The following NEDD4L variants were observed in gnomAD, a reference collection of about 807,000 sequenced individuals.
NEDD4L encodes NEDD4 like E3 ubiquitin protein ligase.
In NEDD4L, 54 loss-of-function variants were observed where a neutral mutation model predicts 148.9. That is an observed-to-expected ratio of 0.36 (90% CI 0.29 to 0.45). The LOEUF (loss-of-function observed/expected upper bound fraction) is 0.45, where lower values mean the gene tolerates loss of function less well. Among genes scored for constraint, NEDD4L ranks in the 20% least tolerant of loss-of-function variants. The pLI, the probability that NEDD4L is intolerant of heterozygous loss-of-function variation, is 1.00. For synonymous variants in NEDD4L, 433 were observed against 440.7 expected (o/e 0.98, Z 0.22); for missense variants, 856 against 1,233.8 (o/e 0.69, Z 4.59).
At chr18:58,137,694 G>C (rs1169762462) in intron 1 of NEDD4L, among the ~76,000 whole-genome samples, 2 of 152,190 alleles carry the variant, frequency 1.3e-5, no homozygotes, top group East Asian at 3.9e-4. Context: ...CATTTTAGAA[G>C]TTAAGGATTT....
At chr18:58,084,208 T>TCCACAGAGACGGAAAGTA in intron 1 of NEDD4L, among the ~76,000 whole-genome samples, 1 of 152,140 alleles carries the variant, frequency 6.6e-6, no homozygotes, top group East Asian at 1.9e-4. Flanking sequence ...AACAGGCAAA[T>TCCACAGAGACGGAAAGTA]CCACAGAGAC....
chr18:58,169,994 A>T (rs1042977935), intron 2 of NEDD4L, among the ~76,000 whole-genome samples: 18 of 152,208 alleles, frequency 1.2e-4, no homozygotes, highest in Non-Finnish European at 2.6e-4. Flanking sequence ...ATTCTATTTT[A>T]TTTATTTATT....
chr18:58,364,163 A>T, intron 19 of NEDD4L, 105 bp from the exon 20 acceptor site: 2 of 717,354 alleles, frequency 2.8e-6, no homozygotes, highest in South Asian at 3.4e-5. Flanking sequence ...AGAAGTGAGA[A>T]TTTACGGTTT....
chr18:58,079,962 C>G (rs554223169), intron 1 of NEDD4L, among the ~76,000 whole-genome samples: 1 of 152,286 alleles, frequency 6.6e-6, no homozygotes, highest in South Asian at 2.1e-4. Context: ...GAGCCTCACT[C>G]TGTTGCCCAG....
intron 2 of NEDD4L, among the ~76,000 whole-genome samples, chr18:58,231,237 CAAAAAAAA>C (rs67220469): frequency 3.3e-5 from 3 of 90,178 alleles, no homozygotes; most frequent in African/African-American, 4.0e-5. Flanking sequence ...GACCCTATCT[CAAAAAAAA>C]AAAAAAAAAA....
chr18:58,075,539 T>G (rs765732378), intron 1 of NEDD4L, among the ~76,000 whole-genome samples: 1 of 152,086 alleles, frequency 6.6e-6, no homozygotes, highest in Non-Finnish European at 1.5e-5. Context: ...ATCCTCAAAC[T>G]TGTGGGGTCA....
intron 2 of NEDD4L, among the ~76,000 whole-genome samples, chr18:58,236,367 G>A (rs28721559): frequency 2.0e-4 from 31 of 151,816 alleles, no homozygotes; most frequent in African/African-American, 6.8e-4. Context: ...AAAAAAAAAA[G>A]AAAAAAAAAT....
intron 1 of NEDD4L, among the ~76,000 whole-genome samples, chr18:58,159,719 C>T (rs1048948043): frequency 2.0e-5 from 3 of 152,122 alleles, no homozygotes; most frequent in Admixed American, 6.5e-5. Flanking sequence ...GTAATGTATA[C>T]GTAACTTACA....
At chr18:58,380,408 C>CAGG (rs2048192191) in intron 24 of NEDD4L, among the ~76,000 whole-genome samples, 2 of 151,388 alleles carry the variant, frequency 1.3e-5, no homozygotes, top group African/African-American at 4.9e-5. Flanking sequence ...AACCTCAGCC[C>CAGG]CCTGGGTTCA....
At chr18:58,116,708 A>G (rs758909631) in intron 1 of NEDD4L, among the ~76,000 whole-genome samples, 12 of 152,354 alleles carry the variant, frequency 7.9e-5, no homozygotes, top group Admixed American at 1.3e-4. Context: ...TGTGGCTTCT[A>G]TGTCCAGGCC....
chr18:58,286,197 C>T (rs547479977), intron 5 of NEDD4L, among the ~76,000 whole-genome samples: 13 of 152,242 alleles, frequency 8.5e-5, no homozygotes, highest in South Asian at 4.1e-4. Context: ...TTAATGTAAA[C>T]GTCGAATGAG....
intron 1 of NEDD4L, among the ~76,000 whole-genome samples, chr18:58,113,566 A>T (rs1185345105): frequency 1.3e-5 from 2 of 152,188 alleles, no homozygotes; most frequent in Non-Finnish European, 2.9e-5. Context: ...GGGGTTTCCC[A>T]GGCAGGGACA....
chr18:58,244,202 C>T (rs577525456), intron 2 of NEDD4L, among the ~76,000 whole-genome samples: 97 of 152,274 alleles, frequency 6.4e-4, no homozygotes, highest in Non-Finnish European at 9.6e-4. Context: ...TAGCCACTAA[C>T]GGGCAGTTCT....
chr18:58,376,962 A>C (rs2047647824), intron 24 of NEDD4L, among the ~76,000 whole-genome samples: 1 of 152,216 alleles, frequency 6.6e-6, no homozygotes, highest in Non-Finnish European at 1.5e-5. Flanking sequence ...TCCCTTCATC[A>C]GGGAAGCCAG....
intron 2 of NEDD4L, among the ~76,000 whole-genome samples, chr18:58,213,307 G>T (rs1429305956): frequency 3.5e-4 from 54 of 152,126 alleles, no homozygotes; most frequent in Non-Finnish European, 5.9e-5. Context: ...CATTATAGTG[G>T]CAAAATACTG....
At chr18:58,113,073 T>A (rs924452777) in intron 1 of NEDD4L, among the ~76,000 whole-genome samples, 47 of 152,356 alleles carry the variant, frequency 3.1e-4, no homozygotes, top group African/African-American at 1.1e-3. Flanking sequence ...CACCTTGATC[T>A]TGGACTTCCC....
intron 5 of NEDD4L, among the ~76,000 whole-genome samples, chr18:58,294,609 A>ATT (rs5825272): frequency 1.9e-4 from 29 of 150,916 alleles, no homozygotes; most frequent in African/African-American, 3.6e-4. Context: ...GACCATGTTG[A>ATT]TTTTTTTTTG....
chr18:58,296,812 T>C (rs778678666), intron 5 of NEDD4L, among the ~76,000 whole-genome samples: 6 of 152,088 alleles, frequency 3.9e-5, no homozygotes, highest in African/African-American at 1.2e-4. Context: ...ATTCCAGCTA[T>C]TCGGGAGGCT....
intron 4 of NEDD4L, among the ~76,000 whole-genome samples, chr18:58,250,130 GT>G (rs768788438): frequency 2.0e-5 from 3 of 151,678 alleles, no homozygotes; most frequent in Non-Finnish European, 4.4e-5. Context: ...TTTTCTGAAG[GT>G]TTTTTTTGTT....
Sources: gnomAD v4.1 joint callset for allele counts (sites outside exome capture counted in the v4.1 genomes callset) on GRCh38, gnomAD v4.1.1 for gene constraint, MANE v1.5 for transcripts, NCBI Gene and HGNC (gene_info 2026-07-23, HGNC 2026-07-21) for gene names.